BTN2A2: variants seen among roughly 807,000 people sequenced by gnomAD.
The protein encoded by BTN2A2 is butyrophilin subfamily 2 member A2, also known as butyrophilin 2.
A neutral mutation model predicts 34.7 loss-of-function variants in BTN2A2; 29 were observed. That is an observed-to-expected ratio of 0.84 (90% CI 0.62 to 1.14). BTN2A2 has a LOEUF of 1.14. BTN2A2 is among the 50% of genes most tolerant of loss of function. BTN2A2 has a pLI of 0.00. For missense variants in BTN2A2, 612 were observed against 651.5 expected, an observed-to-expected ratio of 0.94 and a Z score of 0.66; for synonymous variants, 240 against 253.1, an observed-to-expected ratio of 0.95 and a Z score of 0.49.
chr6:26,390,435 T>C, intron 5 of BTN2A2: 1 of 675,588 alleles, frequency 1.5e-6, no homozygotes, highest in South Asian at 1.9e-5. Flanking sequence ...CTGCACACAT[T>C]ACATTCATTC....
In BTN2A2 at chr6:26,389,904, C is replaced by G. The variant is rs1003127645; in HGVS notation, c.725-101C>G. On this transcript the variant is annotated intron_variant, in intron 4 of 7. Coordinates refer to ENST00000356709, the MANE Select transcript of BTN2A2 (RefSeq NM_006995.5). ...CTAAGGTTTCTGAGGGAGAAGCCAA[C>G]AGAACAGGTGGCTGAGGAGCTCTTC... 11 of 1,142,528 alleles carry G rather than the reference C, an allele frequency of 9.6e-6. No homozygotes were observed. The African/African-American group carries it at 1.7e-4, about 18-fold the overall frequency. 70.8% of individuals were successfully genotyped at this position (1,142,528 alleles called of 1,614,324 possible). A position where few individuals can be genotyped will look rare whatever the true frequency, so the allele number is the denominator to read the frequency against.
chr6:26,393,331 T>C lies in BTN2A2; in HGVS notation c.*364T>C. 8.2e-7 allele frequency: 1 copy of C among 1,221,962 alleles called. No homozygotes were observed. Among genetic ancestry groups the C allele is most frequent in the East Asian group, 5.0e-5 (1 of 20,122 alleles). 75.7% of individuals were successfully genotyped at this position (1,221,962 alleles called of 1,614,324 possible). ...CAGTTGGCACCAGATGCTGTGGACTTGGAATGAGGCCAACAGGGTTCACCA... is the reference window on the plus strand; with the variant it reads ...CAGTTGGCACCAGATGCTGTGGACTCGGAATGAGGCCAACAGGGTTCACCA... On this transcript the variant is annotated 3_prime_UTR_variant, in exon 8 of 8. Coordinates refer to ENST00000356709, the MANE Select transcript of BTN2A2 (RefSeq NM_006995.5).
chr6:26,393,836 T>A lies in BTN2A2; in HGVS notation c.*869T>A. The A allele has an allele frequency of 1.1e-6, 1 of 884,952 alleles. No individual in the cohort carries two copies. The highest frequency in any genetic ancestry group is 1.4e-6 in the Non-Finnish European group (1 of 738,040). 54.8% of individuals were successfully genotyped at this position (884,952 alleles called of 1,614,324 possible). On this transcript the variant is annotated 3_prime_UTR_variant, in exon 8 of 8. Coordinates refer to ENST00000356709, the MANE Select transcript of BTN2A2 (RefSeq NM_006995.5). ...TTAAAGAGCTTTTGTTTATTTGGGT[T>A]AATATTTATGACATTTGACATTGAA...
At chr6:26,390,496 C>A (rs1056776114) in intron 5 of BTN2A2, 191 bp from the exon 6 acceptor site, 9 of 770,726 alleles carry the variant, frequency 1.2e-5, no homozygotes, top group Non-Finnish European at 1.7e-5. Flanking sequence ...AGACAAAAGT[C>A]TAACAATGTA....
chr6:26,388,586 G>A (rs575545478), intron 4 of BTN2A2, among the ~76,000 whole-genome samples: 1 of 152,304 alleles, frequency 6.6e-6, no homozygotes, highest in East Asian at 1.9e-4. Flanking sequence ...ATCAAACCTG[G>A]AGAGTAGTGT....
Position 26,392,572 on chromosome 6 carries a change from G to C in BTN2A2, c.1177G>C (p.Val393Leu). 1 of 1,614,214 alleles carries C rather than the reference G, an allele frequency of 6.2e-7. No individual in the cohort carries two copies. The change falls in exon 8 of 8, where the codon GTG (valine) becomes CTG (leucine). Residue 393 changes from valine (V) to leucine (L), a missense_variant. Physicochemically the swap from Val to Leu is conservative, Grantham distance 32. Coordinates refer to ENST00000356709, the MANE Select transcript of BTN2A2 (RefSeq NM_006995.5). Reference protein sequence around the residue: ...YWEVEVENVMVWTVGVCRHSV... With the variant: ...YWEVEVENVMLWTVGVCRHSV... ...GGAGGTGGAGGTGGAAAACGTGATG[G>C]TGTGGACTGTGGGGGTCTGCAGACA...
rs113893469 is a variant in BTN2A2, at chr6:26,390,079, T to G, written c.799T>G (p.Ser267Ala). The change falls in exon 5 of 8, where the codon TCC (serine) becomes GCC (alanine). Residue 267 changes from serine to alanine, a missense_variant. Coordinates refer to ENST00000356709, the MANE Select transcript of BTN2A2 (RefSeq NM_006995.5). ...VILTASPWMV[S>A]MTVILAVFII... ...CCTGACCGCATCTCCCTGGATGGTG[T>G]CCATGACTGTCATCCTGGCTGTTTT... 1.0e-3 allele frequency: 1,638 copies of G among 1,614,204 alleles called. 15 individuals are homozygous for G. The African/African-American group carries it at 0.017, about 17-fold the overall frequency.
chr6:26,392,265 A>G, intron 7 of BTN2A2, 110 bp from the exon 8 acceptor site: 2 of 1,578,318 alleles, frequency 1.3e-6, no homozygotes, highest in African/African-American at 1.4e-5. Context: ...GGAAACGGCC[A>G]CTACATGGGG....
Position 26,384,527 on chromosome 6 carries a change from T to C in BTN2A2, c.95-488T>C, listed in dbSNP as rs961890142. 6.6e-6 allele frequency among the ~76,000 whole-genome samples: 1 copy of C among 152,278 alleles called. No individual in the cohort carries two copies. The highest frequency in any genetic ancestry group is 6.5e-5 in the Admixed American group (1 of 15,292). ...TTTGTTTCATATAAATAATCACATA[T>C]CAATATTTAAATGCTTAGTTAATAG... On this transcript the variant is annotated intron_variant, in intron 2 of 7. Transcript: ENST00000356709. This position sits in a 1 kb window ranked among gnomAD's most constrained non-coding sequence, Gnocchi z 4.0.
rs978236120 is a variant in BTN2A2, at chr6:26,393,039, A to G, written c.*72A>G. The G allele has an allele frequency of 3.7e-5, 59 of 1,612,462 alleles. No homozygotes were observed. In the African/African-American group the frequency reaches 5.7e-4, roughly 16 times the overall value. ...TCAGCAGCCACCGCACAACCCCCCT[A>G]ATGAAAGACACGCCCTCCTCCCCTC... On this transcript the variant is annotated 3_prime_UTR_variant, in exon 8 of 8. Transcript: ENST00000356709.
Position 26,385,081 on chromosome 6 carries a change from G to T in BTN2A2, c.161G>T (p.Arg54Leu). 2 of 1,613,898 alleles carry T rather than the reference G, an allele frequency of 1.2e-6. No homozygotes were observed. The highest frequency in any genetic ancestry group is 1.1e-5 in the South Asian group (1 of 91,066). Residue 54 changes from arginine (R) to leucine (L), a missense_variant, in exon 3 of 8, where the codon CGC becomes CTC. Transcript: ENST00000356709. Reference sequence around the variant, plus strand: ...ATGGTGGGAGAAAACACTACATTACGCTGCCATCTGTCACCCGAGAAAAAT... The same window carrying T: ...ATGGTGGGAGAAAACACTACATTACTCTGCCATCTGTCACCCGAGAAAAAT... ...LAMVGENTTL[R>L]CHLSPEKNAE... is the part of the protein sequence containing the mutation.
intron 5 of BTN2A2, 93 bp downstream of exon 5, chr6:26,390,304 GC>G: frequency 7.6e-7 from 1 of 1,310,142 alleles, no homozygotes. Flanking sequence ...TCATAGAAAG[GC>G]CACAGCTCTC....
chr6:26,392,334 T>G, intron 7 of BTN2A2, 41 bp from the exon 8 acceptor site: 1 of 1,614,086 alleles, frequency 6.2e-7, no homozygotes, highest in South Asian at 1.1e-5. Flanking sequence ...ATCCCCAGGG[T>G]TCCTGAGACC....
chr6:26,389,141 G>A (rs776441666), intron 4 of BTN2A2, among the ~76,000 whole-genome samples: 6 of 151,796 alleles, frequency 4.0e-5, no homozygotes, highest in South Asian at 4.2e-4. Context: ...AAAAGGGAGC[G>A]CGAGAGAGAG....
rs774313208 is a variant in BTN2A2 at position 26,390,118 on chromosome 6, G to A, written c.838G>A (p.Ala280Thr). Reference sequence around the variant, plus strand: ...CCTGGCTGTTTTCATCATCTTCATGGCTGTCAGCATCTGTTGCATCAAGAA... The same window carrying A: ...CCTGGCTGTTTTCATCATCTTCATGACTGTCAGCATCTGTTGCATCAAGAA... ...VILAVFIIFM[A>T]VSICCIKKLQ... is the part of the protein sequence containing the mutation. The change falls in exon 5 of 8, where the codon GCT becomes ACT. Residue 280 changes from alanine (A) to threonine (T), a missense_variant. Coordinates refer to ENST00000356709, the MANE Select transcript of BTN2A2 (RefSeq NM_006995.5). 7 of 1,614,174 alleles carry A rather than the reference G, an allele frequency of 4.3e-6. No homozygotes were observed. Among genetic ancestry groups the A allele is most frequent in the Non-Finnish European group, 5.9e-6 (7 of 1,180,018 alleles).
chr6:26,386,687 G>A (rs2113746789), intron 3 of BTN2A2, among the ~76,000 whole-genome samples: 1 of 152,290 alleles, frequency 6.6e-6, no homozygotes, highest in Admixed American at 6.5e-5. Context: ...GAATTGGGTT[G>A]CTGTAGGACT....
chr6:26,389,967 A>G, intron 4 of BTN2A2, 38 bp from the exon 5 acceptor site: 2 of 1,601,332 alleles, frequency 1.2e-6, no homozygotes, highest in Non-Finnish European at 1.7e-6. Flanking sequence ...CAGATGTTCT[A>G]TTTCAAACTA....
Position 26,383,811 on chromosome 6 carries a change from C to T in BTN2A2, c.-11C>T. On this transcript the variant is annotated 5_prime_UTR_variant, in exon 2 of 8. Coordinates refer to ENST00000356709, the MANE Select transcript of BTN2A2 (RefSeq NM_006995.5). The surrounding 1 kb of genome is among the most constrained non-coding windows in gnomAD (Gnocchi z 4.4). ...CCCTAGGCCTCTGGTCTCTGCCTGC[C>T]CTGGGTGCTCATGGAACCAGCTGCT... 2 of 1,613,894 alleles carry T rather than the reference C, an allele frequency of 1.2e-6. No homozygotes were observed. The highest frequency in any genetic ancestry group is 1.7e-6 in the Non-Finnish European group (2 of 1,179,806).
Position 26,385,028 on chromosome 6 carries a change from C to A in BTN2A2, c.108C>A (p.Val36=), listed in dbSNP as rs138070617. The change falls in exon 3 of 8, where the codon GTC becomes GTA. Residue 36 remains valine, a synonymous_variant. Transcript: ENST00000356709. The part of the protein sequence containing the change: ...LCALVSAQFT[V]VGPANPILAM... ...CTTGTTGAACAGCCCAGTTTACTGT[C>A]GTGGGGCCAGCTAATCCCATCCTGG... is the stretch of plus-strand genomic sequence containing the variant. 32 of 1,613,602 alleles carry A rather than the reference C, an allele frequency of 2.0e-5. No homozygotes were observed. In the East Asian group the frequency reaches 6.9e-4, roughly 35 times the overall value.
Sources: gnomAD v4.1 joint callset for allele counts (sites outside exome capture counted in the v4.1 genomes callset) on GRCh38, gnomAD v4.1.1 for gene constraint, Gnocchi (gnomAD v3.1) non-coding constraint, MANE v1.5 for transcripts, NCBI Gene and HGNC (gene_info 2026-07-23, HGNC 2026-07-21) for gene names.